PAX2: variants seen among roughly 807,000 people sequenced by gnomAD.
The protein encoded by PAX2 is paired box 2, also known as paired box protein Pax-2.
Under a neutral mutation model 41.7 loss-of-function variants are expected in PAX2, and 9 were observed. The observed-to-expected ratio is 0.22, with a 90% CI of 0.13 to 0.38. PAX2 has a LOEUF of 0.38. Among genes scored for constraint, PAX2 ranks in the 10% least tolerant of loss-of-function variants. PAX2 has a pLI of 1.00. For missense variants in PAX2, 418 were observed against 531.6 expected, an observed-to-expected ratio of 0.79 and a Z score of 2.10; for synonymous variants, 221 against 212.7, an observed-to-expected ratio of 1.04 and a Z score of -0.34.
chr10:100,780,622 A>G (rs1773557470), intron 4 of PAX2, among the ~76,000 whole-genome samples: 1 of 152,236 alleles, frequency 6.6e-6, no homozygotes, highest in South Asian at 2.1e-4. Flanking sequence ...GGGGGAAATT[A>G]GGAGTTTCTC....
At chr10:100,741,544 G>A (rs1396023472), upstream of PAX2, among the ~76,000 whole-genome samples, 1 of 152,172 alleles carries the variant, frequency 6.6e-6, no homozygotes, top group African/African-American at 2.4e-5. Flanking sequence ...GGAAGGGGCT[G>A]GGGTGTAAGT....
At chr10:100,792,769 G>C (rs1847176357) in intron 5 of PAX2, among the ~76,000 whole-genome samples, 1 of 149,938 alleles carries the variant, frequency 6.7e-6, no homozygotes, top group Non-Finnish European at 1.5e-5. Flanking sequence ...ATTGGTTCTG[G>C]TAATAGCGTT....
At chr10:100,764,420 G>A (rs57464361) in intron 3 of PAX2, among the ~76,000 whole-genome samples, 12,301 of 152,122 alleles carry the variant, frequency 0.081, 1,435 homozygotes, top group African/African-American at 0.26. Context: ...GGGATTACAG[G>A]CGTCAGCCAC....
chr10:100,751,892 C>T (rs1313268138), intron 3 of PAX2, among the ~76,000 whole-genome samples: 2 of 152,140 alleles, frequency 1.3e-5, no homozygotes, highest in Non-Finnish European at 2.9e-5. Context: ...TGAGACACCC[C>T]AAAATGAAAA....
intron 7 of PAX2, among the ~76,000 whole-genome samples, chr10:100,812,146 C>T (rs1440855652): frequency 6.6e-6 from 1 of 152,244 alleles, no homozygotes; most frequent in East Asian, 1.9e-4. Flanking sequence ...GCCCCATAGC[C>T]TCCCCTCCCC....
intron 3 of PAX2, among the ~76,000 whole-genome samples, chr10:100,775,395 C>T (rs1193883652): frequency 6.6e-6 from 1 of 152,164 alleles, no homozygotes; most frequent in Non-Finnish European, 1.5e-5. Context: ...TTTCCATGAT[C>T]CCAGTTCTTA....
intron 5 of PAX2, among the ~76,000 whole-genome samples, chr10:100,796,555 GTTGA>G (rs1330962362): frequency 1.3e-5 from 2 of 152,036 alleles, no homozygotes; most frequent in Admixed American, 6.6e-5. Context: ...ATGCTGTCAG[GTTGA>G]TTATTTGAGC....
Position 100,809,052 on chromosome 10 carries a change from G to C in PAX2, c.793-58G>C, listed in dbSNP as rs113836156. On this transcript the variant is annotated intron_variant, in intron 6 of 9. Coordinates refer to ENST00000355243, the MANE Select transcript of PAX2 (RefSeq NM_000278.5). ...TGTTCCTCCTCCCCATCTGCACACC[G>C]AGCCCTTTCTCTGTGCGTGCATCAA... is the stretch of plus-strand genomic sequence containing the variant. The C allele has an allele frequency of 1.1e-5, 17 of 1,561,356 alleles. No individual in the cohort carries two copies. The African/African-American group carries it at 1.8e-4, about 16-fold the overall frequency.
At chr10:100,780,074 C>A (rs7904804) in intron 4 of PAX2, among the ~76,000 whole-genome samples, 2 of 151,672 alleles carry the variant, frequency 1.3e-5, no homozygotes, top group African/African-American at 2.4e-5. Flanking sequence ...TCCCTCTGCC[C>A]TTCCCTCTCT....
At chr10:100,805,511 G>A (rs927105741) in intron 5 of PAX2, among the ~76,000 whole-genome samples, 2 of 152,150 alleles carry the variant, frequency 1.3e-5, no homozygotes, top group Non-Finnish European at 2.9e-5. Flanking sequence ...TGTACACCTT[G>A]AAAACTCCAA....
rs1847108061 is a variant in PAX2, at chr10:100,791,329, A to T, written c.616+9964A>T. Among the ~76,000 whole-genome samples, 1 of 152,072 alleles carries T rather than the reference A, an allele frequency of 6.6e-6. No individual in the cohort carries two copies. The highest frequency in any genetic ancestry group is 1.5e-5 in the Non-Finnish European group (1 of 68,002). Reference sequence around the variant, plus strand: ...TGCCCCAGGCTTCACCTTTTTCAGGAGGACTGGCTAGAGTGTGTGTGCATG... The same window carrying T: ...TGCCCCAGGCTTCACCTTTTTCAGGTGGACTGGCTAGAGTGTGTGTGCATG... On this transcript the variant is annotated intron_variant, in intron 5 of 9. Transcript: ENST00000355243. The surrounding 1 kb of genome is among the most constrained non-coding windows in gnomAD (Gnocchi z 4.5).
At chr10:100,804,026 C>A (rs115859125) in intron 5 of PAX2, among the ~76,000 whole-genome samples, 1 of 152,084 alleles carries the variant, frequency 6.6e-6, no homozygotes, top group Non-Finnish European at 1.5e-5. Flanking sequence ...GTGTATTATA[C>A]GCACAATGAG....
At chr10:100,805,252 G>A (rs1046848798) in intron 5 of PAX2, among the ~76,000 whole-genome samples, 5 of 152,134 alleles carry the variant, frequency 3.3e-5, no homozygotes, top group Admixed American at 2.0e-4. Context: ...TGGTGTTACT[G>A]TATATAATGC....
chr10:100,740,412 G>T (rs1355941807), intron 1 of PAX2, among the ~76,000 whole-genome samples: 1 of 152,218 alleles, frequency 6.6e-6, no homozygotes, highest in Non-Finnish European at 1.5e-5. Flanking sequence ...GACAGGTGTG[G>T]CATAGCCAAT....
At position 100,745,692 on chromosome 10, in the gene PAX2, C is replaced by A; in HGVS notation, c.-569C>A. ...CCGGCCCTTCGGCCGCGGCGGCGTG[C>A]GCCTGCCTTTTCCGGGGGCGGGGGC... On this transcript the variant is annotated 5_prime_UTR_variant, in exon 1 of 10. Coordinates refer to ENST00000355243, the MANE Select transcript of PAX2 (RefSeq NM_000278.5). 5.0e-6 allele frequency: 3 copies of A among 603,350 alleles called. No homozygotes were observed. The highest frequency in any genetic ancestry group is 6.4e-6 in the Non-Finnish European group (3 of 472,350). 37.4% of individuals were successfully genotyped at this position (603,350 alleles called of 1,614,324 possible). A position where few individuals can be genotyped will look rare whatever the true frequency, so the allele number is the denominator to read the frequency against.
intron 3 of PAX2, among the ~76,000 whole-genome samples, chr10:100,758,736 A>G (rs528737999): frequency 1.3e-5 from 2 of 152,178 alleles, no homozygotes; most frequent in East Asian, 1.9e-4. Flanking sequence ...ATAAAACTCA[A>G]CTTTGGGCCT....
intron 7 of PAX2, among the ~76,000 whole-genome samples, chr10:100,811,270 G>A (rs1847981332): frequency 6.6e-6 from 1 of 152,212 alleles, no homozygotes; most frequent in African/African-American, 2.4e-5. Flanking sequence ...GTTTTTGCTG[G>A]CAATTAAACT....
Position 100,824,826 on chromosome 10 carries a change from T to G in PAX2, c.1021+77T>G. 5 of 1,505,672 alleles carry G rather than the reference T, an allele frequency of 3.3e-6. No homozygotes were observed. In the Admixed American group the frequency reaches 8.3e-5, roughly 25 times the overall value. 93.3% of individuals were successfully genotyped at this position (1,505,672 alleles called of 1,614,324 possible). ...GGGTGAGCTGCTGAATGGTCTGTAG[T>G]CTGAGGCTGGGGTGGGGGGAGACAC... On this transcript the variant is annotated intron_variant, in intron 8 of 9. Coordinates refer to ENST00000355243, the MANE Select transcript of PAX2 (RefSeq NM_000278.5). The surrounding 1 kb of genome is among the most constrained non-coding windows in gnomAD (Gnocchi z 6.6).
rs780278321 is a variant in PAX2 at position 100,825,009 on chromosome 10, C to A, written c.1021+260C>A. The stretch of plus-strand genomic sequence containing the variant: ...TGTATGTCATGGCCCCTCCACAGCG[C>A]CCACCCACCCAAGTCTGTGCCCGAG... On this transcript the variant is annotated intron_variant, in intron 8 of 9. Coordinates refer to ENST00000355243, the MANE Select transcript of PAX2 (RefSeq NM_000278.5). 2.5e-6 allele frequency: 4 copies of A among 1,581,522 alleles called. No individual in the cohort carries two copies. The South Asian group carries it at 3.3e-5, about 13-fold the overall frequency.
Sources: allele counts gnomAD v4.1 joint callset (sites outside exome capture counted in the v4.1 genomes callset), GRCh38; gene constraint gnomAD v4.1.1; non-coding constraint Gnocchi (gnomAD v3.1); transcripts MANE v1.5; gene names NCBI Gene and HGNC (gene_info 2026-07-23, HGNC 2026-07-21).